Variants in RBFOX3 observed in about 807,000 individuals in gnomAD.
RBFOX3 encodes the protein RNA binding fox-1 homolog 3.
RBFOX3 carries 17 observed loss-of-function variants against 48.7 expected under a neutral mutation model. The observed-to-expected ratio is 0.35, with a 90% CI of 0.24 to 0.52. RBFOX3 has a LOEUF of 0.52. Ranked by LOEUF, RBFOX3 falls within the 20% of genes least tolerant of loss-of-function variation. The pLI is 0.94. For synonymous variants in RBFOX3, 212 were observed against 209.5 expected, an observed-to-expected ratio of 1.01 and a Z score of -0.10; for missense variants, 382 against 497.5, an observed-to-expected ratio of 0.77 and a Z score of 2.21.
At chr17:79,628,881 C>T in the RBFOX3 span, among the ~76,000 whole-genome samples, 2 of 152,228 alleles carry the variant, frequency 1.3e-5, no homozygotes, top group Non-Finnish European at 2.9e-5. Flanking sequence ...CTGCCCTTGT[C>T]CCCTGGGCTT....
intron 4 of RBFOX3, among the ~76,000 whole-genome samples, chr17:79,194,935 A>G (rs373014007): frequency 1.3e-5 from 1 of 74,592 alleles, no homozygotes; most frequent in East Asian, 3.8e-4. Flanking sequence ...TACTTTCTCA[A>G]TGTGGGTGCT....
At chr17:79,091,278 G>T (rs557634792) in intron 14 of RBFOX3, among the ~76,000 whole-genome samples, 1 of 152,366 alleles carries the variant, frequency 6.6e-6, no homozygotes, top group Middle Eastern at 3.4e-3. Context: ...GCCCTCACTG[G>T]TGGGGAACCC....
intron 2 of RBFOX3, among the ~76,000 whole-genome samples, chr17:79,315,592 C>G (rs1320120041): frequency 6.6e-6 from 1 of 152,254 alleles, no homozygotes; most frequent in African/African-American, 2.4e-5. Flanking sequence ...TTGCTTTGAT[C>G]TCACACGGTT....
chr17:79,283,611 T>C (rs2071132905), intron 3 of RBFOX3, among the ~76,000 whole-genome samples: 1 of 152,202 alleles, frequency 6.6e-6, no homozygotes, highest in Non-Finnish European at 1.5e-5. Context: ...GTGAGATTTG[T>C]TGTGTGTGCT....
chr17:79,450,482 C>T (rs2073270419), intron 2 of RBFOX3, among the ~76,000 whole-genome samples: 1 of 152,072 alleles, frequency 6.6e-6, no homozygotes. Flanking sequence ...AAACGAATCA[C>T]CCCAAAATTC....
chr17:79,320,713 C>A (rs1234369903), intron 2 of RBFOX3, among the ~76,000 whole-genome samples: 2 of 151,988 alleles, frequency 1.3e-5, no homozygotes, highest in African/African-American at 4.8e-5. Context: ...TCAACTAAAA[C>A]CAGGCACCTC....
intron 1 of RBFOX3, among the ~76,000 whole-genome samples, chr17:79,501,563 A>G (rs2082392068): frequency 6.6e-6 from 1 of 152,204 alleles, no homozygotes; most frequent in African/African-American, 2.4e-5. Context: ...CCGAGGGGCT[A>G]AGGATTTGTT....
At chr17:79,448,269 C>T (rs1296501466) in intron 2 of RBFOX3, among the ~76,000 whole-genome samples, 1 of 152,170 alleles carries the variant, frequency 6.6e-6, no homozygotes, top group Non-Finnish European at 1.5e-5. Context: ...AACCTTTGGA[C>T]ACTGTAGTAG....
In RBFOX3 at chr17:79,198,167, G is replaced by A. The variant is rs936914439; in HGVS notation, c.-34+37599C>T. Among the ~76,000 whole-genome samples the A allele has an allele frequency of 1.4e-4, 21 of 151,658 alleles. No individual in the cohort carries two copies. The highest frequency in any genetic ancestry group is 1.2e-3 in the Admixed American group (19 of 15,212). ...ATCGTGTGGGGTGGGCTGTCATCCC[G>A]GAAGTGCTACGGTTGCATCGCTGGA... is the stretch of plus-strand genomic sequence containing the variant. On this transcript the variant is annotated intron_variant, in intron 4 of 14. Transcript: ENST00000693108. This position sits in a 1 kb window ranked among gnomAD's most constrained non-coding sequence, Gnocchi z 8.2.
chr17:79,578,283 C>T (rs908214783), intron 1 of RBFOX3, among the ~76,000 whole-genome samples: 3 of 152,276 alleles, frequency 2.0e-5, no homozygotes, highest in African/African-American at 7.2e-5. Context: ...GCACTCAAGC[C>T]CTCCAATACC....
At chr17:79,425,000 C>A (rs920717655) in intron 2 of RBFOX3, among the ~76,000 whole-genome samples, 7 of 152,158 alleles carry the variant, frequency 4.6e-5, no homozygotes, top group Admixed American at 6.5e-5. Flanking sequence ...TGCTGTTTAA[C>A]ATGTATCAGG....
At chr17:79,120,632 T>G (rs2035442941) in intron 4 of RBFOX3, among the ~76,000 whole-genome samples, 1 of 121,804 alleles carries the variant, frequency 8.2e-6, no homozygotes, top group Non-Finnish European at 1.7e-5. Context: ...GAAGGGTGGA[T>G]GAAAAATTGG....
chr17:79,472,553 G>A (rs1352957802), intron 2 of RBFOX3, among the ~76,000 whole-genome samples: 1 of 152,222 alleles, frequency 6.6e-6, no homozygotes, highest in Non-Finnish European at 1.5e-5. Context: ...AGGAGAAGAT[G>A]ACCATCTACA....
intron 4 of RBFOX3, among the ~76,000 whole-genome samples, chr17:79,188,254 C>T (rs867558331): frequency 1.3e-5 from 2 of 152,310 alleles, no homozygotes; most frequent in African/African-American, 4.8e-5. Context: ...CAGGGGTCCT[C>T]AGCAGTGCAG....
In RBFOX3 at chr17:79,089,664, C is replaced by T. The variant is rs989634895; in HGVS notation, c.*1219G>A. The T allele has an allele frequency of 1.3e-5, 2 of 152,606 alleles. No homozygotes were observed. Among genetic ancestry groups the T allele is most frequent in the African/African-American group, 2.4e-5 (1 of 41,452 alleles). 9.5% of individuals were successfully genotyped at this position (152,606 alleles called of 1,614,324 possible). A position where few individuals can be genotyped will look rare whatever the true frequency, so the allele number is the denominator to read the frequency against. ...GTGTATTTTTAAATTTTTGACACTT[C>T]ATGAGACAGTGGAGCCACGTTGGGA... On this transcript the variant is annotated 3_prime_UTR_variant, in exon 15 of 15. Coordinates refer to ENST00000693108, the MANE Select transcript of RBFOX3 (RefSeq NM_001350451.2).
intron 3 of RBFOX3, among the ~76,000 whole-genome samples, chr17:79,240,143 A>G (rs1450813731): frequency 6.6e-6 from 1 of 152,150 alleles, no homozygotes; most frequent in Non-Finnish European, 1.5e-5. Context: ...CCACCTCCCA[A>G]AGCCTTTAAC....
At chr17:79,581,998 C>T (rs1024174022) in intron 1 of RBFOX3, among the ~76,000 whole-genome samples, 19 of 151,148 alleles carry the variant, frequency 1.3e-4, no homozygotes, top group Non-Finnish European at 5.9e-5. Context: ...AAGCACGTGC[C>T]TGCCCGTGTA....
chr17:79,448,412 G>A (rs1048464468), intron 2 of RBFOX3, among the ~76,000 whole-genome samples: 1 of 152,214 alleles, frequency 6.6e-6, no homozygotes, highest in Non-Finnish European at 1.5e-5. Flanking sequence ...CCTGGATTAT[G>A]ATGGGCCCTA....
chr17:79,171,649 A>AACAG (rs1555729654), intron 4 of RBFOX3, among the ~76,000 whole-genome samples: 2 of 57,840 alleles, frequency 3.5e-5, no homozygotes, highest in Non-Finnish European at 3.1e-5. Context: ...TTAAAAAAAA[A>AACAG]ATAGATCTTG....
Sources: gnomAD v4.1 joint callset for allele counts (sites outside exome capture counted in the v4.1 genomes callset) on GRCh38, gnomAD v4.1.1 for gene constraint, Gnocchi (gnomAD v3.1) non-coding constraint, MANE v1.5 for transcripts, NCBI Gene and HGNC (gene_info 2026-07-23, HGNC 2026-07-21) for gene names.